The following ABCG4 variants were observed in gnomAD, a reference collection of about 807,000 sequenced individuals.
The protein encoded by ABCG4 is ATP-binding cassette sub-family G member 4.
ABCG4 carries 35 observed loss-of-function variants against 64.6 expected under a neutral mutation model. The observed-to-expected ratio is 0.54, with a 90% confidence interval of 0.41 to 0.72. The LOEUF (loss-of-function observed/expected upper bound fraction) is 0.72, where lower values mean the gene tolerates loss of function less well. Among genes scored for constraint, ABCG4 ranks in the 30% least tolerant of loss-of-function variants. ABCG4 has a pLI of 0.00. For synonymous variants in ABCG4, 326 were observed against 348.2 expected, an observed-to-expected ratio of 0.94 and a Z score of 0.71; for missense variants, 610 against 846.3, an observed-to-expected ratio of 0.72 and a Z score of 3.46.
chr11:119,156,503 AG>A lies in ABCG4; in HGVS notation c.810+56del, dbSNP rs777812747. ...GATTGGCCTGAGATGGAGGGATGGA[AG>A]GGGGTCAGTAGGGGTGCCTGGCCCG... On this transcript the variant is annotated intron_variant, in intron 7 of 14. Coordinates refer to ENST00000619701, the MANE Select transcript of ABCG4 (RefSeq NM_022169.5). This position sits in a 1 kb window ranked among gnomAD's most constrained non-coding sequence, Gnocchi z 5.5. 6.8e-6 allele frequency: 11 copies of A among 1,613,950 alleles called. No individual in the cohort carries two copies. The East Asian group carries it at 1.1e-4, about 16-fold the overall frequency.
chr11:119,151,722 G>A (rs949717149), intron 2 of ABCG4, among the ~76,000 whole-genome samples: 5 of 152,218 alleles, frequency 3.3e-5, no homozygotes, highest in Non-Finnish European at 5.9e-5. Context: ...AGGAGTCAGA[G>A]GACTTAAAGA....
At position 119,151,229 on chromosome 11, in the gene ABCG4, T is replaced by G. The variant is rs1182067216; in HGVS notation, c.238+1026T>G. On this transcript the variant is annotated intron_variant, in intron 2 of 14. Transcript: ENST00000619701. ...TTGTTATTTCTTTAGCCCTCTCATT[T>G]CCTCATAATTTTAAGAAACTAAGAT... is the stretch of plus-strand genomic sequence containing the variant. 8.5e-5 allele frequency among the ~76,000 whole-genome samples: 13 copies of G among 152,214 alleles called. 1 individual carries two copies.
Position 119,161,148 on chromosome 11 carries a change from C to T in ABCG4, c.*42C>T. On this transcript the variant is annotated 3_prime_UTR_variant, in exon 15 of 15. Transcript: ENST00000619701. ...GTACCCCAGCCCCTGCAGCAGGAAG[C>T]CCCCAGTCCCAGCCCTTTGGGACTG... The T allele has an allele frequency of 6.4e-7, 1 of 1,569,654 alleles. No homozygotes were observed. Among genetic ancestry groups the T allele is most frequent in the Non-Finnish European group, 8.7e-7 (1 of 1,148,468 alleles).
Position 119,150,161 on chromosome 11 carries a change from C to A in ABCG4, c.196C>A (p.Leu66Met), listed in dbSNP as rs1353787206. Residue 66 changes from leucine to methionine, a missense_variant, in exon 2 of 15, where the codon CTG becomes ATG. Leu to Met is a conservative substitution (Grantham distance 15, BLOSUM62 2). Coordinates refer to ENST00000619701, the MANE Select transcript of ABCG4 (RefSeq NM_022169.5). This position sits in a 1 kb window ranked among gnomAD's most constrained non-coding sequence, Gnocchi z 4.3. ...AGCCGTGGACATCGAGTTCGTGGAG[C>A]TGTCCTATTCCGTGCGGGAGGGGCC... ...RSAVDIEFVE[L>M]SYSVREGPCW... is the part of the protein sequence containing the mutation. 4.3e-6 allele frequency: 7 copies of A among 1,614,160 alleles called. No homozygotes were observed. The Admixed American group carries it at 1.0e-4, about 23-fold the overall frequency.
intron 9 of ABCG4, 127 bp downstream of exon 9, chr11:119,157,141 G>T: frequency 7.5e-7 from 1 of 1,335,740 alleles, no homozygotes. Flanking sequence ...GAAGAACCTA[G>T]GACTTGGAAT....
rs756429171 is a variant in ABCG4, at chr11:119,150,201, G to C, written c.236G>C (p.Arg79Thr). The part of the protein sequence containing the change: ...SVREGPCWRK[R>T]GYKTLLKCLS... Reference sequence around the variant, plus strand: ...CGGGAGGGGCCCTGCTGGCGCAAAAGGGGTAGGGAACAGCCTGGTAGGGGG... The same window carrying C: ...CGGGAGGGGCCCTGCTGGCGCAAAACGGGTAGGGAACAGCCTGGTAGGGGG... Residue 79 changes from arginine (R) to threonine (T), a missense_variant and splice_region_variant, in exon 2 of 15, where the codon AGG (arginine) becomes ACG (threonine). By Grantham distance (71) the Arg-to-Thr change is moderately conservative. Coordinates refer to ENST00000619701, the MANE Select transcript of ABCG4 (RefSeq NM_022169.5). This position sits in a 1 kb window ranked among gnomAD's most constrained non-coding sequence, Gnocchi z 4.3. 1 of 1,613,306 alleles carries C rather than the reference G, an allele frequency of 6.2e-7. No individual in the cohort carries two copies.
chr11:119,151,753 G>A (rs751896676), intron 2 of ABCG4, among the ~76,000 whole-genome samples: 3 of 152,204 alleles, frequency 2.0e-5, no homozygotes, highest in Non-Finnish European at 4.4e-5. Context: ...TGACAAAATT[G>A]CAAAGAGAGC....
intron 2 of ABCG4, 50 bp from the exon 3 acceptor site, chr11:119,153,976 A>T: frequency 6.6e-7 from 1 of 1,513,890 alleles, no homozygotes; most frequent in Non-Finnish European, 9.2e-7. Flanking sequence ...TTTTGGGGGT[A>T]CCTCTGTTCA....
chr11:119,160,722 C>T lies in ABCG4; in HGVS notation c.1715+66C>T. 6.5e-7 allele frequency: 1 copy of T among 1,539,252 alleles called. No individual in the cohort carries two copies. Among genetic ancestry groups the T allele is most frequent in the Non-Finnish European group, 9.0e-7 (1 of 1,114,288 alleles). On this transcript the variant is annotated intron_variant, in intron 14 of 14. Coordinates refer to ENST00000619701, the MANE Select transcript of ABCG4 (RefSeq NM_022169.5). This position sits in a 1 kb window ranked among gnomAD's most constrained non-coding sequence, Gnocchi z 4.6. ...TGGAGGAGTCCATACCCAGGGCTTC[C>T]TGGGTTGTGCCAAGTCTGCTGCCTG...
At position 119,158,430 on chromosome 11, in the gene ABCG4, C is replaced by A. The variant is rs1948297832; in HGVS notation, c.1167+98C>A. ...AAATGGGAATGGGGACCCTCCCTCA[C>A]AGCCCTGCAATGTGCCTGTGGGGTC... On this transcript the variant is annotated intron_variant, in intron 10 of 14. Transcript: ENST00000619701. This position sits in a 1 kb window ranked among gnomAD's most constrained non-coding sequence, Gnocchi z 4.5. The A allele has an allele frequency of 6.4e-7, 1 of 1,557,612 alleles. No homozygotes were observed. Among genetic ancestry groups the A allele is most frequent in the Non-Finnish European group, 8.8e-7 (1 of 1,130,268 alleles).
intron 9 of ABCG4, among the ~76,000 whole-genome samples, chr11:119,157,798 G>A (rs983522175): frequency 1.3e-5 from 2 of 152,146 alleles, no homozygotes; most frequent in African/African-American, 4.8e-5. Flanking sequence ...CCAGGGAGGC[G>A]GAGCTTGCAG....
At position 119,160,672 on chromosome 11, in the gene ABCG4, C is replaced by A. The variant is rs772967884; in HGVS notation, c.1715+16C>A. 1 of 1,607,682 alleles carries A rather than the reference C, an allele frequency of 6.2e-7. No individual in the cohort carries two copies. On this transcript the variant is annotated intron_variant, in intron 14 of 14. Coordinates refer to ENST00000619701, the MANE Select transcript of ABCG4 (RefSeq NM_022169.5). The surrounding 1 kb of genome is among the most constrained non-coding windows in gnomAD (Gnocchi z 4.6). ...CCTATGTCAGGTCAGTACCCCTGCC[C>A]TCCTCGTTGGCCTCTGCTCCTCCCT... is the stretch of plus-strand genomic sequence containing the variant.
rs1424026540 is a variant in ABCG4 at position 119,154,993 on chromosome 11, C to G, written c.686+78C>G. On this transcript the variant is annotated intron_variant, in intron 6 of 14. Coordinates refer to ENST00000619701, the MANE Select transcript of ABCG4 (RefSeq NM_022169.5). This position sits in a 1 kb window ranked among gnomAD's most constrained non-coding sequence, Gnocchi z 7.0. ...GCCAGGGCTGGAGGCTGCATCTTCT[C>G]CATGATCCAGAGCCTCTGTTCACAG... is the stretch of plus-strand genomic sequence containing the variant. 9 of 1,533,376 alleles carry G rather than the reference C, an allele frequency of 5.9e-6. No individual in the cohort carries two copies. Among genetic ancestry groups the G allele is most frequent in the Non-Finnish European group, 7.9e-6 (9 of 1,132,460 alleles). The allele number at this position is 1,533,376 out of a possible 1,614,324, so 95.0% of individuals were successfully genotyped here. A position where few individuals can be genotyped will look rare whatever the true frequency, so the allele number is the denominator to read the frequency against.
chr11:119,151,469 C>T (rs1948192780), intron 2 of ABCG4, among the ~76,000 whole-genome samples: 1 of 152,240 alleles, frequency 6.6e-6, no homozygotes, highest in East Asian at 1.9e-4. Context: ...TCCCTCTCCC[C>T]TTCTCCAGAG....
chr11:119,161,280 G>A lies in ABCG4; in HGVS notation c.*174G>A. On this transcript the variant is annotated 3_prime_UTR_variant, in exon 15 of 15. Transcript: ENST00000619701. ...ACTGCGCTCCCAGCCTGGGCTCTGG[G>A]AGTGGGGGCTCCAGCCCTCCCCACT... The A allele has an allele frequency of 3.3e-6, 2 of 614,144 alleles. No individual in the cohort carries two copies. Among genetic ancestry groups the A allele is most frequent in the Non-Finnish European group, 5.7e-6 (2 of 353,308 alleles). 38.0% of individuals were successfully genotyped at this position (614,144 alleles called of 1,614,324 possible). A position where few individuals can be genotyped will look rare whatever the true frequency, so the allele number is the denominator to read the frequency against.
chr11:119,160,604 T>C lies in ABCG4; in HGVS notation c.1663T>C (p.Phe555Leu). 9.3e-6 allele frequency: 15 copies of C among 1,613,586 alleles called. No homozygotes were observed. Among genetic ancestry groups the C allele is most frequent in the Non-Finnish European group, 1.1e-5 (13 of 1,179,966 alleles). The stretch of plus-strand genomic sequence containing the variant: ...CTTGTTCTCCGGCTTCTTTGTCAGC[T>C]TCAAGACCATCCCCACTTACCTGCA... ...VLLFSGFFVS[F>L]KTIPTYLQWS... The change falls in exon 14 of 15, where the codon TTC becomes CTC. Residue 555 changes from phenylalanine (F) to leucine (L), a missense_variant. Coordinates refer to ENST00000619701, the MANE Select transcript of ABCG4 (RefSeq NM_022169.5). The surrounding 1 kb of genome is among the most constrained non-coding windows in gnomAD (Gnocchi z 4.6).
chr11:119,157,259 A>G (rs1056473064), intron 9 of ABCG4, among the ~76,000 whole-genome samples: 3 of 152,220 alleles, frequency 2.0e-5, no homozygotes, highest in Non-Finnish European at 4.4e-5. Flanking sequence ...GAGCAGCTAC[A>G]GTGTGCTGTC....
At position 119,154,541 on chromosome 11, in the gene ABCG4, A is replaced by G; in HGVS notation, c.506A>G (p.Lys169Arg). 6.2e-7 allele frequency: 1 copy of G among 1,613,816 alleles called. No individual in the cohort carries two copies. Among genetic ancestry groups the G allele is most frequent in the Non-Finnish European group, 8.5e-7 (1 of 1,179,918 alleles). The change falls in exon 5 of 15, where the codon AAG (lysine) becomes AGG (arginine). Residue 169 changes from lysine (K) to arginine (R), a missense_variant. By Grantham distance (26) the Lys-to-Arg change is conservative. Coordinates refer to ENST00000619701, the MANE Select transcript of ABCG4 (RefSeq NM_022169.5). This position sits in a 1 kb window ranked among gnomAD's most constrained non-coding sequence, Gnocchi z 7.0. ...GGGCCCCAGGTCTCTGCTAACCTGAAGCTGAGTGAGAAGCAGGAGGTGAAG... is the reference window on the plus strand; with the variant it reads ...GGGCCCCAGGTCTCTGCTAACCTGAGGCTGAGTGAGAAGCAGGAGGTGAAG... ...LEAMMVSANL[K>R]LSEKQEVKKE...
rs2135114309 is a variant in ABCG4 at position 119,149,315 on chromosome 11, T to A, written c.-61T>A. On this transcript the variant is annotated 5_prime_UTR_variant, in exon 1 of 15. Transcript: ENST00000619701. This position sits in a 1 kb window ranked among gnomAD's most constrained non-coding sequence, Gnocchi z 8.3. ...GCCCCGGCTCTCCGTCCCCGGTCCG[T>A]GGCAGCGCTGAGCATCCCGGCCCCG... is the stretch of plus-strand genomic sequence containing the variant. 1.3e-5 allele frequency: 2 copies of A among 151,414 alleles called. 1 individual carries two copies. Among genetic ancestry groups the A allele is most frequent in the South Asian group, 4.2e-4 (2 of 4,794 alleles). 9.4% of individuals were successfully genotyped at this position (151,414 alleles called of 1,614,324 possible).
Sources: gnomAD v4.1 joint callset for allele counts (sites outside exome capture counted in the v4.1 genomes callset) on GRCh38, gnomAD v4.1.1 for gene constraint, Gnocchi (gnomAD v3.1) non-coding constraint, MANE v1.5 for transcripts, NCBI Gene and HGNC (gene_info 2026-07-23, HGNC 2026-07-21) for gene names.